PGPEP1: variants seen among roughly 807,000 people sequenced by gnomAD.
PGPEP1 encodes the protein pyroglutamyl-peptidase I, also known as pyroglutamyl-peptidase 1.
Under a neutral mutation model 24.1 loss-of-function variants are expected in PGPEP1, and 15 were observed. That is an observed-to-expected ratio of 0.62 (90% CI 0.42 to 0.96). The LOEUF (loss-of-function observed/expected upper bound fraction) is 0.96. Among genes scored for constraint, PGPEP1 ranks in the 40% least tolerant of loss-of-function variants. The pLI is 0.00. For synonymous variants in PGPEP1, 122 were observed against 116.4 expected (o/e 1.05, Z -0.31); for missense variants, 242 against 273.4 (o/e 0.89, Z 0.81).
chr19:18,355,864 G>T (rs777468586), intron 2 of PGPEP1, 31 bp from the exon 3 acceptor site: 2 of 1,380,088 alleles, frequency 1.4e-6, no homozygotes, highest in Non-Finnish European at 2.1e-6. Context: ...GTCATCTGGG[G>T]CCATGACACT....
intron 2 of PGPEP1, among the ~76,000 whole-genome samples, chr19:18,348,740 C>G (rs1004735811): frequency 6.6e-6 from 1 of 152,060 alleles, no homozygotes; most frequent in African/African-American, 2.4e-5. Context: ...CTTAAGTTTC[C>G]CTATCACTTT....
At chr19:18,341,105 C>A (rs1340174613) in intron 1 of PGPEP1, among the ~76,000 whole-genome samples, 1 of 152,186 alleles carries the variant, frequency 6.6e-6, no homozygotes, top group Non-Finnish European at 1.5e-5. Flanking sequence ...CACACCGCTC[C>A]CCCAACCCCT....
At chr19:18,348,141 C>A (rs1186654475) in intron 2 of PGPEP1, among the ~76,000 whole-genome samples, 1 of 152,126 alleles carries the variant, frequency 6.6e-6, no homozygotes, top group Non-Finnish European at 1.5e-5. Context: ...TCTCCCCTAC[C>A]TCTCAGGGTG....
At chr19:18,341,977 G>C (rs77609620) in intron 1 of PGPEP1, among the ~76,000 whole-genome samples, 10,113 of 151,646 alleles carry the variant, frequency 0.067, 379 homozygotes, top group Middle Eastern at 0.095. Context: ...GCGCGATCTC[G>C]GCTCACTGCA....
chr19:18,345,887 A>G (rs1341886660), intron 2 of PGPEP1, among the ~76,000 whole-genome samples: 1 of 151,914 alleles, frequency 6.6e-6, no homozygotes, highest in Non-Finnish European at 1.5e-5. Context: ...AAAAATACAA[A>G]AATTAGCCAG....
chr19:18,345,333 C>T (rs1970799757), intron 2 of PGPEP1, among the ~76,000 whole-genome samples: 1 of 152,030 alleles, frequency 6.6e-6, no homozygotes, highest in African/African-American at 2.4e-5. Flanking sequence ...AAGTTTAGGA[C>T]ACAAGATTCC....
intron 1 of PGPEP1, 137 bp from the exon 2 acceptor site, chr19:18,342,722 C>T: frequency 1.5e-6 from 1 of 681,436 alleles, no homozygotes; most frequent in Non-Finnish European, 2.6e-6. Context: ...AACTCAGGAC[C>T]AGGCCCCCAA....
intron 4 of PGPEP1, 110 bp downstream of exon 4, chr19:18,357,725 A>G (rs564235018): frequency 1.4e-6 from 1 of 737,382 alleles, no homozygotes; most frequent in Non-Finnish European, 2.3e-6. Context: ...CCAAGCACTC[A>G]GTGTATACTA....
chr19:18,344,776 T>A lies in PGPEP1; in HGVS notation c.87+1865T>A, dbSNP rs80242733. On this transcript the variant is annotated intron_variant, in intron 2 of 4. Coordinates refer to ENST00000269919, the MANE Select transcript of PGPEP1 (RefSeq NM_017712.4). ...TTTGTGCACATTTCAGACAGGAGCC[T>A]TCACGGGGCTGAGTGGACACAAAGC... is the stretch of plus-strand genomic sequence containing the variant. Among the ~76,000 whole-genome samples the A allele has an allele frequency of 3.0e-3, 458 of 152,250 alleles. 9 individuals carry two copies. In the East Asian group the frequency reaches 0.031, roughly 10 times the overall value.
chr19:18,358,756 A>G (rs1470698535), intron 4 of PGPEP1, among the ~76,000 whole-genome samples: 2 of 151,582 alleles, frequency 1.3e-5, no homozygotes, highest in African/African-American at 4.8e-5. Flanking sequence ...CTGGGATTAC[A>G]GGCGTGCATC....
chr19:18,369,284 C>A lies in PGPEP1; in HGVS notation c.*5701C>A, dbSNP rs773492478. On this transcript the variant is annotated 3_prime_UTR_variant, in exon 5 of 5. Transcript: ENST00000269919. ...CCACCCCAAACTGCTCCCCCTCCCC[C>A]AAATTCCCTTTCTCCTCCTGCTCTT... The A allele has an allele frequency of 2.6e-5, 4 of 152,578 alleles. No individual in the cohort carries two copies. The East Asian group carries it at 7.7e-4, about 30-fold the overall frequency. 9.5% of individuals were successfully genotyped at this position (152,578 alleles called of 1,614,324 possible).
intron 4 of PGPEP1, 189 bp downstream of exon 4, chr19:18,357,804 C>T: frequency 1.7e-6 from 1 of 591,246 alleles, no homozygotes; most frequent in Admixed American, 2.8e-5. Flanking sequence ...TGGATCTGCC[C>T]ACTTCTCCCC....
Position 18,347,670 on chromosome 19 carries a change from G to A in PGPEP1, c.87+4759G>A, listed in dbSNP as rs1276906222. On this transcript the variant is annotated intron_variant, in intron 2 of 4. Transcript: ENST00000269919. ...TTTTTTTGAGACAGGGTCTCACTCT[G>A]TCACCCAGGCTGGAGTACAGTGGTG... is the stretch of plus-strand genomic sequence containing the variant. Among the ~76,000 whole-genome samples, 8 of 137,968 alleles carry A rather than the reference G, an allele frequency of 5.8e-5. No individual in the cohort carries two copies. In the Admixed American group the frequency reaches 6.2e-4, roughly 11 times the overall value. The allele number at this position is 137,968 out of a possible 152,430, so 90.5% of individuals were successfully genotyped here. A position where few individuals can be genotyped will look rare whatever the true frequency, so the allele number is the denominator to read the frequency against.
In PGPEP1 at chr19:18,365,853, G is replaced by C. The variant is rs768983724; in HGVS notation, c.*2270G>C. The C allele has an allele frequency of 6.6e-6, 1 of 152,230 alleles. No individual in the cohort carries two copies. 9.4% of individuals were successfully genotyped at this position (152,230 alleles called of 1,614,324 possible). ...TGCTGGCGGGTGACTTGCAGTGGGC[G>C]CCTGGCAGTGGGTGTGGACTGTAAC... On this transcript the variant is annotated 3_prime_UTR_variant, in exon 5 of 5. Transcript: ENST00000269919.
intron 2 of PGPEP1, among the ~76,000 whole-genome samples, chr19:18,343,313 C>T (rs554808170): frequency 7.2e-5 from 11 of 152,200 alleles, no homozygotes; most frequent in African/African-American, 1.2e-4. Context: ...TCTTAAAAAA[C>T]GATGTCGGAT....
chr19:18,342,843 T>C lies in PGPEP1; in HGVS notation c.35-16T>C. 1 of 1,609,718 alleles carries C rather than the reference T, an allele frequency of 6.2e-7. No individual in the cohort carries two copies. The highest frequency in any genetic ancestry group is 1.1e-5 in the South Asian group (1 of 90,990). On this transcript the variant is annotated splice_polypyrimidine_tract_variant and intron_variant, in intron 1 of 4. Coordinates refer to ENST00000269919, the MANE Select transcript of PGPEP1 (RefSeq NM_017712.4). Reference sequence around the variant, plus strand: ...GGCCACTCTTGGGTAATATATTGCTTTTCCTGTTTTTTCAGGATTTGGCCC... The same window carrying C: ...GGCCACTCTTGGGTAATATATTGCTCTTCCTGTTTTTTCAGGATTTGGCCC...
At chr19:18,344,040 G>C (rs1970759444) in intron 2 of PGPEP1, among the ~76,000 whole-genome samples, 1 of 152,060 alleles carries the variant, frequency 6.6e-6, no homozygotes, top group Admixed American at 6.6e-5. Flanking sequence ...TCGTGACTCA[G>C]GTTGGTTTCT....
chr19:18,344,827 G>C (rs1970787382), intron 2 of PGPEP1, among the ~76,000 whole-genome samples: 1 of 152,038 alleles, frequency 6.6e-6, no homozygotes. Context: ...CTGGGCCCCA[G>C]ACACTGATCT....
At chr19:18,345,902 C>T (rs1199431704) in intron 2 of PGPEP1, among the ~76,000 whole-genome samples, 23 of 151,462 alleles carry the variant, frequency 1.5e-4, no homozygotes. Context: ...AGCCAGAAAT[C>T]ACTTGAACCC....
Sources: gnomAD v4.1 joint callset for allele counts (sites outside exome capture counted in the v4.1 genomes callset) on GRCh38, gnomAD v4.1.1 for gene constraint, MANE v1.5 for transcripts, NCBI Gene and HGNC (gene_info 2026-07-23, HGNC 2026-07-21) for gene names.